Variants in AKAP6 observed in about 807,000 individuals in gnomAD.
AKAP6 encodes the protein A-kinase anchor protein 6.
A neutral mutation model predicts 188.5 loss-of-function variants in AKAP6; 58 were observed. The observed-to-expected ratio is 0.31, with a 90% confidence interval of 0.25 to 0.38. The LOEUF (loss-of-function observed/expected upper bound fraction) is 0.38, where lower values mean the gene tolerates loss of function less well. AKAP6 is among the 10% of genes least tolerant of loss of function. AKAP6 has a pLI of 1.00. For missense variants in AKAP6, 2,710 were observed against 2,740.0 expected, an observed-to-expected ratio of 0.99 and a Z score of 0.24; for synonymous variants, 989 against 998.6, an observed-to-expected ratio of 0.99 and a Z score of 0.18.
chr14:32,730,324 G>C (rs1023464820), intron 9 of AKAP6, among the ~76,000 whole-genome samples: 2 of 152,098 alleles, frequency 1.3e-5, no homozygotes, highest in Admixed American at 1.3e-4. Context: ...TGGTGACAAA[G>C]ACTGAGAGCA....
chr14:32,723,137 C>T (rs910615507), intron 9 of AKAP6, among the ~76,000 whole-genome samples: 10 of 152,350 alleles, frequency 6.6e-5, no homozygotes, highest in African/African-American at 2.4e-4. Context: ...ACCTCTATCA[C>T]AAGTCTTGTG....
chr14:32,439,511 T>A (rs1890497395), intron 2 of AKAP6, among the ~76,000 whole-genome samples: 1 of 152,138 alleles, frequency 6.6e-6, no homozygotes, highest in Admixed American at 6.5e-5. Flanking sequence ...TTGGAGGACC[T>A]CCCCAGTGGC....
At chr14:32,542,708 G>A (rs759852985) in intron 3 of AKAP6, among the ~76,000 whole-genome samples, 7 of 152,192 alleles carry the variant, frequency 4.6e-5, no homozygotes, top group Admixed American at 6.5e-5. Context: ...AGTGAAAGCA[G>A]GATACTGTGG....
At chr14:32,702,461 G>A (rs1428222058) in intron 9 of AKAP6, among the ~76,000 whole-genome samples, 1 of 151,106 alleles carries the variant, frequency 6.6e-6, no homozygotes, top group Non-Finnish European at 1.5e-5. Context: ...AATGTTTAGG[G>A]GAAGAAAAAG....
chr14:32,365,481 G>A (rs1411044118), intron 1 of AKAP6, among the ~76,000 whole-genome samples: 1 of 152,032 alleles, frequency 6.6e-6, no homozygotes, highest in African/African-American at 2.4e-5. Flanking sequence ...GTGTGCTTTG[G>A]GTGGTCATTT....
At chr14:32,758,717 G>C (rs979054707) in intron 11 of AKAP6, among the ~76,000 whole-genome samples, 6 of 152,100 alleles carry the variant, frequency 3.9e-5, no homozygotes, top group African/African-American at 1.4e-4. Flanking sequence ...TGGGCAACAA[G>C]AGTGAAACTC....
intron 2 of AKAP6, among the ~76,000 whole-genome samples, chr14:32,486,848 G>A (rs970042204): frequency 7.2e-5 from 11 of 152,084 alleles, no homozygotes; most frequent in Non-Finnish European, 1.3e-4. Flanking sequence ...AACTTCCAAC[G>A]CTATGTTGAA....
intron 2 of AKAP6, among the ~76,000 whole-genome samples, chr14:32,516,145 C>G (rs1232513464): frequency 1.3e-5 from 2 of 152,182 alleles, no homozygotes; most frequent in African/African-American, 2.4e-5. Flanking sequence ...TGACTATCTT[C>G]AGTGATTTTT....
At chr14:32,463,035 CAAG>C (rs762739476) in intron 2 of AKAP6, among the ~76,000 whole-genome samples, 2 of 142,070 alleles carry the variant, frequency 1.4e-5, no homozygotes, top group African/African-American at 5.2e-5. Context: ...GGGATCAATG[CAAG>C]AAGAAGAGGT....
intron 12 of AKAP6, among the ~76,000 whole-genome samples, chr14:32,818,751 C>G (rs2034449719): frequency 6.7e-6 from 1 of 148,280 alleles, no homozygotes; most frequent in Non-Finnish European, 1.5e-5. Flanking sequence ...CTTGCAGGTG[C>G]CACTTGGGCT....
intron 9 of AKAP6, among the ~76,000 whole-genome samples, chr14:32,714,324 A>G (rs935666458): frequency 2.0e-5 from 3 of 152,090 alleles, no homozygotes; most frequent in African/African-American, 4.8e-5. Flanking sequence ...AAATGAGCAC[A>G]TGCTATGGAA....
At chr14:32,430,892 G>A (rs1465849762) in intron 1 of AKAP6, among the ~76,000 whole-genome samples, 1 of 152,052 alleles carries the variant, frequency 6.6e-6, no homozygotes, top group African/African-American at 2.4e-5. Context: ...GGATCACGAG[G>A]TCAGGAGATG....
chr14:32,741,080 A>G (rs2031653115), intron 11 of AKAP6, among the ~76,000 whole-genome samples: 1 of 147,396 alleles, frequency 6.8e-6, no homozygotes. Context: ...TATTTTAATC[A>G]TAGAGATTTT....
chr14:32,709,051 C>T (rs993497959), intron 9 of AKAP6, among the ~76,000 whole-genome samples: 4 of 151,934 alleles, frequency 2.6e-5, no homozygotes, highest in South Asian at 4.1e-4. Context: ...TTGGAAATAC[C>T]GCAAAAGAAT....
chr14:32,787,695 C>A (rs545288136), intron 12 of AKAP6, among the ~76,000 whole-genome samples: 2 of 151,934 alleles, frequency 1.3e-5, no homozygotes, highest in Non-Finnish European at 2.9e-5. Flanking sequence ...CAAGAGAGAT[C>A]GCTGTTAAAA....
intron 1 of AKAP6, among the ~76,000 whole-genome samples, chr14:32,335,444 C>T (rs1886660145): frequency 6.6e-6 from 1 of 152,130 alleles, no homozygotes; most frequent in African/African-American, 2.4e-5. Context: ...TCCTCCTACT[C>T]TGGAACAATT....
At chr14:32,376,422 C>T (rs1264399479) in intron 1 of AKAP6, among the ~76,000 whole-genome samples, 1 of 152,166 alleles carries the variant, frequency 6.6e-6, no homozygotes, top group Non-Finnish European at 1.5e-5. Flanking sequence ...TAGTAGCCCT[C>T]CTGTGGCCCC....
At chr14:32,446,068 T>C (rs1301101718) in intron 2 of AKAP6, among the ~76,000 whole-genome samples, 1 of 152,150 alleles carries the variant, frequency 6.6e-6, no homozygotes, top group Non-Finnish European at 1.5e-5. Context: ...CAAAGAATAT[T>C]TAAAGGTAAA....
At chr14:32,497,171 T>C (rs1216430896) in intron 2 of AKAP6, among the ~76,000 whole-genome samples, 2 of 152,140 alleles carry the variant, frequency 1.3e-5, no homozygotes, top group Non-Finnish European at 2.9e-5. Context: ...AGGGTCTCTC[T>C]ATGCATAGTA....
Sources: gnomAD v4.1 joint callset for allele counts (sites outside exome capture counted in the v4.1 genomes callset) on GRCh38, gnomAD v4.1.1 for gene constraint, MANE v1.5 for transcripts, NCBI Gene and HGNC (gene_info 2026-07-23, HGNC 2026-07-21) for gene names.